PSD3: variants seen among roughly 807,000 people sequenced by gnomAD.
PSD3 encodes PH and SEC7 domain-containing protein 3.
In PSD3, 49 loss-of-function variants were observed where a neutral mutation model predicts 105.5. The ratio of observed to expected loss-of-function variants is 0.46; its 90% confidence interval spans 0.37 to 0.59. The LOEUF is 0.59. PSD3 is among the 20% of genes least tolerant of loss of function. The probability of loss-of-function intolerance (pLI) is 0.00; values close to 1 mark genes in which losing one functional copy is unlikely to be tolerated. For synonymous variants in PSD3, 557 were observed against 457.8 expected, an observed-to-expected ratio of 1.22 and a Z score of -2.77; for missense variants, 1,561 against 1,263.8, an observed-to-expected ratio of 1.24 and a Z score of -3.57.
chr8:18,912,049 T>C (rs887194053), intron 2 of PSD3, among the ~76,000 whole-genome samples: 2 of 152,184 alleles, frequency 1.3e-5, no homozygotes, highest in Admixed American at 6.5e-5. Flanking sequence ...GAAAAATTTA[T>C]ACATGAGGAA....
At chr8:18,960,024 T>C (rs541098279) in intron 1 of PSD3, among the ~76,000 whole-genome samples, 19 of 152,122 alleles carry the variant, frequency 1.2e-4, no homozygotes, top group Admixed American at 6.6e-5. Context: ...AATCATTCCA[T>C]CCCCAGAAAA....
At chr8:18,704,924 T>A (rs1801801617) in intron 9 of PSD3, among the ~76,000 whole-genome samples, 2 of 151,868 alleles carry the variant, frequency 1.3e-5, no homozygotes, top group African/African-American at 4.8e-5. Context: ...ATTTAAAAAT[T>A]GGAAAAAATA....
chr8:18,567,145 G>T (rs1279249424), intron 14 of PSD3, among the ~76,000 whole-genome samples: 1 of 152,078 alleles, frequency 6.6e-6, no homozygotes, highest in Non-Finnish European at 1.5e-5. Context: ...GCCCTCTTTA[G>T]TTCAACTCAC....
At chr8:19,057,208 G>C (rs1208605936) in intron 1 of PSD3, among the ~76,000 whole-genome samples, 2 of 151,998 alleles carry the variant, frequency 1.3e-5, no homozygotes, top group African/African-American at 4.8e-5. Context: ...CTCTACTCTT[G>C]TTCATAATCA....
chr8:19,013,743 G>A (rs1827068389), upstream of PSD3: 1 of 454,668 alleles, frequency 2.2e-6, no homozygotes, highest in Non-Finnish European at 3.1e-6. Context: ...GGAGGCTGGC[G>A]AGGCTGCGAG....
intron 8 of PSD3, among the ~76,000 whole-genome samples, chr8:18,767,952 G>C (rs1401287007): frequency 2.0e-5 from 3 of 151,758 alleles, no homozygotes; most frequent in African/African-American, 7.2e-5. Context: ...AAATGAGAAA[G>C]CAGACTTCTG....
chr8:18,675,373 T>C (rs1240365413), intron 9 of PSD3, among the ~76,000 whole-genome samples: 1 of 152,130 alleles, frequency 6.6e-6, no homozygotes, highest in Non-Finnish European at 1.5e-5. Flanking sequence ...ATTAGACTGT[T>C]TGAGATAGCT....
At chr8:19,054,097 C>A (rs1042185331) in intron 1 of PSD3, among the ~76,000 whole-genome samples, 3 of 152,188 alleles carry the variant, frequency 2.0e-5, no homozygotes. Flanking sequence ...GTCCCTGAAA[C>A]TCCCCTTCAT....
chr8:18,782,592 C>T (rs1015996903), intron 8 of PSD3, among the ~76,000 whole-genome samples: 1 of 152,132 alleles, frequency 6.6e-6, no homozygotes, highest in Non-Finnish European at 1.5e-5. Flanking sequence ...GGATCTCGGT[C>T]AACACACGTG....
At chr8:18,900,421 T>G (rs1383588748) in intron 2 of PSD3, among the ~76,000 whole-genome samples, 2 of 152,110 alleles carry the variant, frequency 1.3e-5, no homozygotes, top group Non-Finnish European at 2.9e-5. Context: ...CACTGCTGGA[T>G]TCTTTTATCT....
intron 4 of PSD3, among the ~76,000 whole-genome samples, chr8:18,807,049 G>A (rs1811265742): frequency 6.6e-6 from 1 of 152,044 alleles, no homozygotes; most frequent in African/African-American, 2.4e-5. Context: ...TTATCTCAAT[G>A]GTGTTATGTT....
At chr8:19,007,540 C>T (rs1826746793) in intron 1 of PSD3, among the ~76,000 whole-genome samples, 1 of 152,008 alleles carries the variant, frequency 6.6e-6, no homozygotes, top group South Asian at 2.1e-4. Context: ...CTGATTCAGG[C>T]AGTAACTGCA....
intron 11 of PSD3, among the ~76,000 whole-genome samples, chr8:18,627,997 C>A (rs75944062): frequency 1.3e-5 from 2 of 151,244 alleles, no homozygotes; most frequent in African/African-American, 2.4e-5. Context: ...TAAAATAGAC[C>A]CAAGTTGAAC....
chr8:18,582,816 C>CTTCTTT (rs1802903073), intron 12 of PSD3, among the ~76,000 whole-genome samples: 1 of 125,474 alleles, frequency 8.0e-6, no homozygotes, highest in African/African-American at 3.4e-5. Context: ...CCACACTGAT[C>CTTCTTT]TTTTTTTTTT....
chr8:18,658,809 A>AT (rs367552575), intron 9 of PSD3, among the ~76,000 whole-genome samples: 154 of 140,458 alleles, frequency 1.1e-3, no homozygotes, highest in Non-Finnish European at 1.8e-3. Context: ...TAGTCAGATC[A>AT]TAAAAAGTAT....
intron 14 of PSD3, 61 bp from the exon 15 acceptor site, chr8:18,556,413 A>T: frequency 6.5e-7 from 1 of 1,528,636 alleles, no homozygotes; most frequent in Non-Finnish European, 8.9e-7. Flanking sequence ...AACAAAGCAC[A>T]GCATACTTTA....
chr8:18,614,267 A>G (rs1805486213), intron 11 of PSD3, among the ~76,000 whole-genome samples: 1 of 152,206 alleles, frequency 6.6e-6, no homozygotes, highest in African/African-American at 2.4e-5. Context: ...CTCCAGCATT[A>G]GAATAAAACC....
chr8:18,972,461 G>A (rs1422643816), intron 1 of PSD3, among the ~76,000 whole-genome samples: 1 of 152,178 alleles, frequency 6.6e-6, no homozygotes, highest in Non-Finnish European at 1.5e-5. Flanking sequence ...GGGAACATTT[G>A]AAGGAATCCA....
At chr8:18,653,680 C>T (rs546981579) in intron 10 of PSD3, among the ~76,000 whole-genome samples, 1 of 152,234 alleles carries the variant, frequency 6.6e-6, no homozygotes, top group South Asian at 2.1e-4. Context: ...CCCGCCCCTC[C>T]ACCCTTGGGT....
Sources: gnomAD v4.1 joint callset for allele counts (sites outside exome capture counted in the v4.1 genomes callset) on GRCh38, gnomAD v4.1.1 for gene constraint, MANE v1.5 for transcripts, NCBI Gene and HGNC (gene_info 2026-07-23, HGNC 2026-07-21) for gene names.